YPEL2: variants seen among roughly 807,000 people sequenced by gnomAD.
YPEL2 encodes protein yippee-like 2.
YPEL2 carries 2 observed loss-of-function variants against 19.1 expected under a neutral mutation model. The observed-to-expected ratio is 0.10, with a 90% CI of 0.04 to 0.33. The LOEUF (loss-of-function observed/expected upper bound fraction) is 0.33, where lower values mean the gene tolerates loss of function less well. Among genes scored for constraint, YPEL2 ranks in the 10% least tolerant of loss-of-function variants. The pLI is 1.00. For synonymous variants in YPEL2, 52 were observed against 50.0 expected, an observed-to-expected ratio of 1.04 and a Z score of -0.17; for missense variants, 66 against 140.7, an observed-to-expected ratio of 0.47 and a Z score of 2.68.
chr17:59,331,999 G>A (rs2047672385), intron 1 of YPEL2, among the ~76,000 whole-genome samples, 175 bp downstream of exon 1: 1 of 151,638 alleles, frequency 6.6e-6, no homozygotes, highest in Non-Finnish European at 1.5e-5. Context: ...CGGGGACGGG[G>A]AGCGGCCGCC....
chr17:59,390,062 G>A lies in YPEL2; in HGVS notation c.270+594G>A, dbSNP rs184479889. 3.7e-3 allele frequency among the ~76,000 whole-genome samples: 561 copies of A among 152,152 alleles called. 4 individuals are homozygous for A. Among genetic ancestry groups the A allele is most frequent in the African/African-American group, 0.012 (505 of 41,494 alleles). ...GTCGCCCAGGCTGGAGTACAGTGGC[G>A]CAATCTCAGCTCACCACAACCTCTG... On this transcript the variant is annotated intron_variant, in intron 4 of 4. Transcript: ENST00000312655.
In YPEL2 at chr17:59,379,725, AAG is replaced by A. The variant is rs1158041479; in HGVS notation, c.118-8599_118-8598del. Among the ~76,000 whole-genome samples the A allele has an allele frequency of 1.2e-4, 18 of 152,252 alleles. No individual in the cohort carries two copies. The South Asian group carries it at 3.7e-3, about 32-fold the overall frequency. On this transcript the variant is annotated intron_variant, in intron 2 of 4. Transcript: ENST00000312655. Reference sequence around the variant, plus strand: ...AGAACCACTGAATTGTCTACTTTAAAAGAGTGTGAATATATCTCACACTCTTT... The same window carrying A: ...AGAACCACTGAATTGTCTACTTTAAAAGTGTGAATATATCTCACACTCTTT...
intron 2 of YPEL2, among the ~76,000 whole-genome samples, chr17:59,372,349 TCTC>T (rs1275256313): frequency 1.3e-5 from 2 of 152,118 alleles, no homozygotes; most frequent in Non-Finnish European, 2.9e-5. Flanking sequence ...CTTTCTGAAA[TCTC>T]CTCTGTTTCC....
chr17:59,397,150 T>C lies in YPEL2; in HGVS notation c.320T>C (p.Ile107Thr). ...SQKYKEGKYI[I>T]ELAHMIKDNG... ...AAATATAAAGAAGGCAAATACATCA[T>C]TGAACTAGCACACATGATCAAGGAC... The change falls in exon 5 of 5, where the codon ATT becomes ACT. Residue 107 changes from isoleucine (I) to threonine (T), a missense_variant. By Grantham distance (89) the Ile-to-Thr change is moderately conservative (BLOSUM62 -1). Coordinates refer to ENST00000312655, the MANE Select transcript of YPEL2 (RefSeq NM_001005404.4). The C allele has an allele frequency of 1.2e-6, 2 of 1,612,868 alleles. No homozygotes were observed. The highest frequency in any genetic ancestry group is 1.7e-6 in the Non-Finnish European group (2 of 1,179,430).
chr17:59,398,982 C>T lies in YPEL2; in HGVS notation c.*1792C>T, dbSNP rs1424891320. The T allele has an allele frequency of 6.6e-6, 1 of 152,212 alleles. No homozygotes were observed. The highest frequency in any genetic ancestry group is 1.9e-4 in the East Asian group (1 of 5,196). The allele number at this position is 152,212 out of a possible 1,614,324, so 9.4% of individuals were successfully genotyped here. On this transcript the variant is annotated 3_prime_UTR_variant, in exon 5 of 5. Transcript: ENST00000312655. ...TGATGGTGGAATGGGAGCCCCAAGA[C>T]GTGTGGGCTTAGAAATCAACTTTTG...
intron 4 of YPEL2, among the ~76,000 whole-genome samples, chr17:59,393,653 C>T (rs1268913494): frequency 1.4e-5 from 2 of 146,624 alleles, no homozygotes; most frequent in Non-Finnish European, 3.0e-5. Flanking sequence ...AGGCAGAGGA[C>T]CCTGCGGCCT....
chr17:59,339,153 C>T (rs565625323), intron 1 of YPEL2, among the ~76,000 whole-genome samples: 6 of 127,742 alleles, frequency 4.7e-5, no homozygotes, highest in African/African-American at 1.4e-4. Flanking sequence ...TTTACCACTT[C>T]GGTCTTTGTC....
chr17:59,336,099 T>A (rs998638989), intron 1 of YPEL2, among the ~76,000 whole-genome samples: 6 of 152,246 alleles, frequency 3.9e-5, no homozygotes, highest in African/African-American at 7.2e-5. Context: ...AGACACTGGA[T>A]AAGTATTTGT....
chr17:59,382,384 C>T (rs1455534459), intron 2 of YPEL2, among the ~76,000 whole-genome samples: 1 of 35,696 alleles, frequency 2.8e-5, no homozygotes, highest in Non-Finnish European at 5.4e-5. Context: ...TCCTCCACCC[C>T]GCCTCTCTCT....
rs528220486 is a variant in YPEL2 at position 59,353,560 on chromosome 17, C to T, written c.117+34C>T. 1.3e-6 allele frequency: 2 copies of T among 1,516,750 alleles called. No individual in the cohort carries two copies. Among genetic ancestry groups the T allele is most frequent in the Admixed American group, 3.3e-5 (2 of 59,914 alleles). The allele number at this position is 1,516,750 out of a possible 1,614,324, so 94.0% of individuals were successfully genotyped here. The stretch of plus-strand genomic sequence containing the variant: ...TTCCAGCAGGCCTTCCTTGCCTACC[C>T]CGGGGAGGGCGCTTAGTGCTCCTGA... On this transcript the variant is annotated intron_variant, in intron 2 of 4. Transcript: ENST00000312655. This position sits in a 1 kb window ranked among gnomAD's most constrained non-coding sequence, Gnocchi z 4.8.
At chr17:59,375,036 C>T (rs1174947204) in intron 2 of YPEL2, among the ~76,000 whole-genome samples, 1 of 152,120 alleles carries the variant, frequency 6.6e-6, no homozygotes, top group East Asian at 1.9e-4. Flanking sequence ...AAGAGCTCAG[C>T]TCACATAAGG....
At chr17:59,342,057 C>T (rs2047734414) in intron 1 of YPEL2, among the ~76,000 whole-genome samples, 1 of 151,324 alleles carries the variant, frequency 6.6e-6, no homozygotes, top group Non-Finnish European at 1.5e-5. Context: ...ATTCCAATTG[C>T]GGAAAGGCGG....
chr17:59,346,402 C>T (rs2047756776), intron 1 of YPEL2, among the ~76,000 whole-genome samples: 1 of 152,214 alleles, frequency 6.6e-6, no homozygotes, highest in South Asian at 2.1e-4. Context: ...CTTTGAGTGG[C>T]ACCCAGGAAT....
chr17:59,394,568 G>T (rs529755971), intron 4 of YPEL2, among the ~76,000 whole-genome samples: 1 of 151,524 alleles, frequency 6.6e-6, no homozygotes, highest in African/African-American at 2.4e-5. Context: ...TCCTAGATGG[G>T]ATGGTGGCTG....
At chr17:59,332,852 A>C (rs144333965) in intron 1 of YPEL2, among the ~76,000 whole-genome samples, 1 of 152,098 alleles carries the variant, frequency 6.6e-6, no homozygotes, top group Non-Finnish European at 1.5e-5. Flanking sequence ...CTCCTTGCTG[A>C]TTTGCTGTCC....
At chr17:59,340,413 C>CT (rs1567729728) in intron 1 of YPEL2, among the ~76,000 whole-genome samples, 1 of 141,410 alleles carries the variant, frequency 7.1e-6, no homozygotes, top group Non-Finnish European at 1.5e-5. Flanking sequence ...CCAGCTGGAA[C>CT]TTTATTTATT....
chr17:59,342,226 C>T (rs898895979), intron 1 of YPEL2, among the ~76,000 whole-genome samples: 1 of 152,156 alleles, frequency 6.6e-6, no homozygotes, highest in Non-Finnish European at 1.5e-5. Flanking sequence ...CAGCTGTGCC[C>T]TGGGGGACCA....
rs189392783 is a variant in YPEL2, at chr17:59,384,493, A to G, written c.118-3834A>G. ...ATTCACAGAAACAACAGTATTCACA[A>G]TACGCTGAAAGCAGAGACAGAAAAA... On this transcript the variant is annotated intron_variant, in intron 2 of 4. Transcript: ENST00000312655. Among the ~76,000 whole-genome samples the G allele has an allele frequency of 1.8e-3, 276 of 152,312 alleles. 1 individual carries two copies. Among genetic ancestry groups the G allele is most frequent in the African/African-American group, 6.1e-3 (254 of 41,562 alleles).
At chr17:59,376,781 A>G (rs562435897) in intron 2 of YPEL2, among the ~76,000 whole-genome samples, 47 of 151,980 alleles carry the variant, frequency 3.1e-4, no homozygotes, top group Middle Eastern at 3.4e-3. Context: ...ATTTCACTGT[A>G]GTGATTGCTT....
Sources: allele counts gnomAD v4.1 joint callset (sites outside exome capture counted in the v4.1 genomes callset), GRCh38; gene constraint gnomAD v4.1.1; non-coding constraint Gnocchi (gnomAD v3.1); transcripts MANE v1.5; gene names NCBI Gene and HGNC (gene_info 2026-07-23, HGNC 2026-07-21).